Variants in KLKB1 observed in about 807,000 individuals in gnomAD.
The protein encoded by KLKB1 is kallikrein B1, also known as plasma kallikrein.
KLKB1 carries 58 observed loss-of-function variants against 73.6 expected under a neutral mutation model. That is an observed-to-expected ratio of 0.79 (90% confidence interval 0.64 to 0.98). The LOEUF (loss-of-function observed/expected upper bound fraction) is 0.98, where lower values mean the gene tolerates loss of function less well. KLKB1 is among the 50% of genes least tolerant of loss of function. The probability of loss-of-function intolerance (pLI) is 0.00; values close to 1 mark genes in which losing one functional copy is unlikely to be tolerated. For missense variants in KLKB1, 737 were observed against 763.8 expected (o/e 0.96, Z 0.41); for synonymous variants, 280 against 258.1 (o/e 1.08, Z -0.81).
rs918891314 is a variant in KLKB1, at chr4:186,252,190, G to T, written c.1313+5G>T. On this transcript the variant is annotated splice_donor_5th_base_variant and intron_variant, in intron 11 of 14. Coordinates refer to ENST00000264690, the MANE Select transcript of KLKB1 (RefSeq NM_000892.5). ...TGCTGCCCACTGCTTTGATGGGTAA[G>T]TGTTGGATGCATCTCATCCAGAGTC... 6.2e-7 allele frequency: 1 copy of T among 1,613,292 alleles called. No individual in the cohort carries two copies. The highest frequency in any genetic ancestry group is 8.5e-7 in the Non-Finnish European group (1 of 1,179,870).
chr4:186,218,199 A>G (rs937567396), intron 2 of KLKB1, among the ~76,000 whole-genome samples: 1 of 152,244 alleles, frequency 6.6e-6, no homozygotes, highest in African/African-American at 2.4e-5. Flanking sequence ...TAGGACCTAA[A>G]CATCAAGCCA....
intron 12 of KLKB1, 126 bp downstream of exon 12, chr4:186,254,889 C>A: frequency 1.3e-6 from 1 of 792,422 alleles, no homozygotes; most frequent in Non-Finnish European, 2.0e-6. Context: ...TTGAGGGAAA[C>A]GTGAGGGTTG....
intron 11 of KLKB1, 144 bp downstream of exon 11, chr4:186,252,329 G>A: frequency 1.1e-6 from 1 of 927,162 alleles, no homozygotes; most frequent in South Asian, 1.5e-5. Context: ...TAACTTATAG[G>A]GTCCAAGCAC....
At chr4:186,257,975 C>A in intron 14 of KLKB1, 46 bp from the exon 15 acceptor site, 1 of 1,549,678 alleles carries the variant, frequency 6.5e-7, no homozygotes, top group Non-Finnish European at 8.9e-7. Flanking sequence ...TATTTGAATC[C>A]CATTGTCGTA....
At chr4:186,255,084 T>G (rs1194142617) in intron 12 of KLKB1, among the ~76,000 whole-genome samples, 1 of 152,214 alleles carries the variant, frequency 6.6e-6, no homozygotes, top group Admixed American at 6.5e-5. Context: ...GAACTGTCAT[T>G]GCTTTGGGCT....
chr4:186,250,983 G>C, intron 7 of KLKB1: 1 of 510,054 alleles, frequency 2.0e-6, no homozygotes, highest in Non-Finnish European at 3.4e-6. Flanking sequence ...CTTCATCATT[G>C]TCCTCTTTTC....
intron 14 of KLKB1, among the ~76,000 whole-genome samples, 163 bp downstream of exon 14, chr4:186,257,528 T>C (rs1361458684): frequency 6.6e-6 from 1 of 151,932 alleles, no homozygotes; most frequent in Non-Finnish European, 1.5e-5. Flanking sequence ...ATACATAATA[T>C]ATATTTATAT....
chr4:186,212,457 A>C (rs1358491329), intron 2 of KLKB1: 1 of 152,122 alleles, frequency 6.6e-6, no homozygotes, highest in African/African-American at 2.4e-5. Context: ...ACATCTACCC[A>C]CTCCATTATT....
chr4:186,219,546 T>A (rs989232097), intron 2 of KLKB1, among the ~76,000 whole-genome samples: 36 of 152,302 alleles, frequency 2.4e-4, no homozygotes, highest in African/African-American at 8.4e-4. Context: ...AGATATTTTC[T>A]TAGTACAAGT....
At chr4:186,252,435 C>G (rs1284987419) in intron 11 of KLKB1, among the ~76,000 whole-genome samples, 2 of 151,914 alleles carry the variant, frequency 1.3e-5, no homozygotes, top group African/African-American at 4.8e-5. Flanking sequence ...AAGACAGTAC[C>G]CCACTCCTCC....
At chr4:186,255,502 G>A (rs959551045) in intron 12 of KLKB1, among the ~76,000 whole-genome samples, 3 of 152,212 alleles carry the variant, frequency 2.0e-5, no homozygotes, top group African/African-American at 7.2e-5. Flanking sequence ...AGGAGCTCAA[G>A]GCTGTAGTGA....
At chr4:186,221,449 C>G (rs1267056388), upstream of KLKB1, among the ~76,000 whole-genome samples, 1 of 151,782 alleles carries the variant, frequency 6.6e-6, no homozygotes, top group East Asian at 1.9e-4. Flanking sequence ...CTTCTTAGAA[C>G]TGCTTTTGCT....
intron 6 of KLKB1, among the ~76,000 whole-genome samples, chr4:186,245,007 G>A (rs1425234908): frequency 6.6e-6 from 1 of 152,226 alleles, no homozygotes; most frequent in South Asian, 2.1e-4. Flanking sequence ...TTTGAACTGG[G>A]GAAAGGGTGG....
At chr4:186,238,198 A>C in intron 5 of KLKB1, 58 bp from the exon 6 acceptor site, 1 of 1,060,914 alleles carries the variant, frequency 9.4e-7, no homozygotes, top group Non-Finnish European at 1.5e-6. Context: ...TGTTACCTGC[A>C]CTGCTCCCTG....
Position 186,228,218 on chromosome 4 carries a change from CT to C in KLKB1, c.25del (p.Tyr9IlefsTer14). 1 of 1,588,928 alleles carries C rather than the reference CT, an allele frequency of 6.3e-7. No homozygotes were observed. The highest frequency in any genetic ancestry group is 8.6e-7 in the Non-Finnish European group (1 of 1,157,280). MILFKQA[T>X]YFISLFATVS... ...AGAATGATTTTATTCAAGCAAGCAACTTATTTCATTTCCTTGTTTGCTACAG... is the reference window on the plus strand; with the variant it reads ...AGAATGATTTTATTCAAGCAAGCAACTATTTCATTTCCTTGTTTGCTACAG... On this transcript the variant is annotated frameshift_variant, in exon 2 of 15. Coordinates refer to ENST00000264690, the MANE Select transcript of KLKB1 (RefSeq NM_000892.5). LOFTEE classifies it high-confidence loss of function.
Position 186,258,365 on chromosome 4 carries a change from T to A in KLKB1, c.*153T>A. On this transcript the variant is annotated 3_prime_UTR_variant, in exon 15 of 15. Transcript: ENST00000264690. ...GCACTCAGAGCTGCTGAGGACAATG[T>A]CTGGCTGAAGCCCGCTTTCAGCACG... 1 of 765,994 alleles carries A rather than the reference T, an allele frequency of 1.3e-6. No individual in the cohort carries two copies. Among genetic ancestry groups the A allele is most frequent in the Non-Finnish European group, 2.3e-6 (1 of 442,450 alleles). The allele number at this position is 765,994 out of a possible 1,614,324, so 47.4% of individuals were successfully genotyped here. A position where few individuals can be genotyped will look rare whatever the true frequency, so the allele number is the denominator to read the frequency against.
intron 2 of KLKB1, among the ~76,000 whole-genome samples, chr4:186,218,477 T>C (rs1736959350): frequency 6.6e-6 from 1 of 152,202 alleles, no homozygotes; most frequent in South Asian, 2.1e-4. Context: ...TTAGGGTCCT[T>C]TTGAGTGCAG....
intron 2 of KLKB1, among the ~76,000 whole-genome samples, chr4:186,231,483 G>A (rs981179243): frequency 6.6e-6 from 1 of 152,182 alleles, no homozygotes; most frequent in Non-Finnish European, 1.5e-5. Flanking sequence ...TGCTTAAACT[G>A]TCTTAAAAAT....
At position 186,235,931 on chromosome 4, in the gene KLKB1, C is replaced by G. The variant is rs187825825; in HGVS notation, c.329-850C>G. 1.3e-3 allele frequency among the ~76,000 whole-genome samples: 198 copies of G among 151,588 alleles called. 1 individual carries two copies. The highest frequency in any genetic ancestry group is 4.5e-3 in the African/African-American group (187 of 41,362). On this transcript the variant is annotated intron_variant, in intron 4 of 14. Coordinates refer to ENST00000264690, the MANE Select transcript of KLKB1 (RefSeq NM_000892.5). ...GAGATCGAGACCATCCTGGCTGACA[C>G]GGTGAAACCCCGTCTCTACTAAAAA...
Sources: allele counts gnomAD v4.1 joint callset (sites outside exome capture counted in the v4.1 genomes callset), GRCh38; gene constraint gnomAD v4.1.1; transcripts MANE v1.5; gene names NCBI Gene and HGNC (gene_info 2026-07-23, HGNC 2026-07-21).